Variants in ABCD4 observed in about 807,000 individuals in gnomAD.
The protein encoded by ABCD4 is ATP binding cassette subfamily D member 4, also known as lysosomal cobalamin transporter ABCD4.
ABCD4 carries 53 observed loss-of-function variants against 86.3 expected under a neutral mutation model. That is an observed-to-expected ratio of 0.61 (90% confidence interval 0.49 to 0.77). The LOEUF (loss-of-function observed/expected upper bound fraction) is 0.77, where lower values mean the gene tolerates loss of function less well. Ranked by LOEUF, ABCD4 falls within the 30% of genes least tolerant of loss-of-function variation. The pLI is 0.00. For synonymous variants in ABCD4, 328 were observed against 313.6 expected, an observed-to-expected ratio of 1.05 and a Z score of -0.49; for missense variants, 757 against 764.5, an observed-to-expected ratio of 0.99 and a Z score of 0.12.
intron 9 of ABCD4, 47 bp from the exon 10 acceptor site, chr14:74,292,689 A>G: frequency 6.2e-7 from 1 of 1,613,982 alleles, no homozygotes. Context: ...TCGAGCCCAC[A>G]GACACTGGGC....
chr14:74,300,711 T>C (rs78131868), intron 1 of ABCD4, among the ~76,000 whole-genome samples: 4,536 of 152,204 alleles, frequency 0.03, 242 homozygotes, highest in African/African-American at 0.1. Flanking sequence ...AATGTCTTAA[T>C]GAAGATACCT....
Position 74,293,239 on chromosome 14 carries a change from A to G in ABCD4, c.729T>C (p.His243=). Reference sequence around the variant, plus strand: ...TGCGGTCTGTCCTCATGTGCTCCACATGCCCAGCTCTGACAAGGAAAGGCT... The same window carrying G: ...TGCGGTCTGTCCTCATGTGCTCCACGTGCCCAGCTCTGACAAGGAAAGGCT... ...AEPAAFYRAG[H]VEHMRTDRRL... Residue 243 remains histidine, a synonymous_variant, in exon 8 of 19, where the codon CAT becomes CAC. Transcript: ENST00000356924. 1 of 1,614,106 alleles carries G rather than the reference A, an allele frequency of 6.2e-7. No homozygotes were observed. Among genetic ancestry groups the G allele is most frequent in the Non-Finnish European group, 8.5e-7 (1 of 1,179,988 alleles).
chr14:74,286,629 G>A, intron 18 of ABCD4, 72 bp downstream of exon 18: 1 of 1,612,410 alleles, frequency 6.2e-7, no homozygotes, highest in Non-Finnish European at 8.5e-7. Context: ...GTTTTGAGGG[G>A]CCTCTGGCCC....
At position 74,285,390 on chromosome 14, in the gene ABCD4, C is replaced by A. The variant is rs917485164; in HGVS notation, c.*1071G>T. The A allele has an allele frequency of 2.6e-5, 4 of 152,172 alleles. No homozygotes were observed. The highest frequency in any genetic ancestry group is 6.5e-5 in the Admixed American group (1 of 15,276). The allele number at this position is 152,172 out of a possible 1,614,324, so 9.4% of individuals were successfully genotyped here. On this transcript the variant is annotated 3_prime_UTR_variant, in exon 19 of 19. Transcript: ENST00000356924. ...GCCTCAGGCCCAGAGTCTATGCAGG[C>A]AACAGCATCTAGCCGTAAGTTAATA...
chr14:74,290,681 GTCTT>G (rs2081263709), intron 11 of ABCD4, among the ~76,000 whole-genome samples, 182 bp from the exon 12 acceptor site: 1 of 114,078 alleles, frequency 8.8e-6, no homozygotes, highest in African/African-American at 3.9e-5. Context: ...CGGAGGCAGG[GTCTT>G]TTTTTTTTTT....
intron 1 of ABCD4, among the ~76,000 whole-genome samples, chr14:74,300,582 A>C (rs1311084266): frequency 1.3e-5 from 2 of 151,238 alleles, no homozygotes; most frequent in Non-Finnish European, 3.0e-5. Context: ...AACAAGAGCA[A>C]AACTCCGTCT....
At chr14:74,292,961 G>T in intron 8 of ABCD4, 92 bp from the exon 9 acceptor site, 1 of 1,578,106 alleles carries the variant, frequency 6.3e-7, no homozygotes, top group South Asian at 1.2e-5. Context: ...CGCCAAGTAG[G>T]GCCACGTGGA....
chr14:74,286,611 T>A, intron 18 of ABCD4, 82 bp from the exon 19 acceptor site: 2 of 1,611,470 alleles, frequency 1.2e-6, no homozygotes, highest in Non-Finnish European at 1.7e-6. Context: ...CTGCTACTGC[T>A]ACTCCCCGTT....
intron 17 of ABCD4, 138 bp from the exon 18 acceptor site, chr14:74,286,954 G>A: frequency 1.4e-6 from 1 of 730,332 alleles, no homozygotes; most frequent in Admixed American, 2.6e-5. Flanking sequence ...CCCTGCCTCA[G>A]GGAGAAGGAT....
chr14:74,299,512 G>C (rs897035617), intron 3 of ABCD4, 36 bp downstream of exon 3: 2 of 1,610,286 alleles, frequency 1.2e-6, no homozygotes, highest in African/African-American at 1.3e-5. Flanking sequence ...CTGGACTGGA[G>C]AGGACGAGAG....
intron 7 of ABCD4, chr14:74,294,846 C>T (rs909217928): frequency 7.1e-6 from 3 of 422,798 alleles, no homozygotes; most frequent in Non-Finnish European, 1.3e-5. Context: ...CAGAGGCAGA[C>T]GGATGTCTTA....
At chr14:74,296,006 G>A (rs370265675) in intron 5 of ABCD4, 27 bp from the exon 6 acceptor site, 2 of 1,581,090 alleles carry the variant, frequency 1.3e-6, no homozygotes, top group East Asian at 2.2e-5. Flanking sequence ...GGGAGAGAAG[G>A]GAGAGGGTGT....
At chr14:74,297,399 G>C (rs1197203716) in intron 4 of ABCD4, 1 of 152,168 alleles carries the variant, frequency 6.6e-6, no homozygotes, top group Admixed American at 6.5e-5. Context: ...CCTAGACTGA[G>C]TCCTGGATAG....
At position 74,298,030 on chromosome 14, in the gene ABCD4, C is replaced by G. The variant is rs768088632; in HGVS notation, c.325G>C (p.Val109Leu). The change falls in exon 4 of 19, where the codon GTG becomes CTG. Residue 109 changes from valine to leucine, a missense_variant. Physicochemically the swap from Val to Leu is conservative, Grantham distance 32. Transcript: ENST00000356924. The part of the protein sequence containing the change: ...FDQFTCNLLY[V>L]SWRKDLTEHL... The stretch of plus-strand genomic sequence containing the variant: ...TCAGTGAGGTCCTTCCTCCAGCTCA[C>G]ATACAGCAGGTTGCAGGTGAACTGA... The G allele has an allele frequency of 1.2e-6, 2 of 1,613,970 alleles. No individual in the cohort carries two copies. The highest frequency in any genetic ancestry group is 2.7e-5 in the African/African-American group (2 of 75,030).
rs1406161776 is a variant in ABCD4 at position 74,286,274 on chromosome 14, T to C, written c.*187A>G. On this transcript the variant is annotated 3_prime_UTR_variant, in exon 19 of 19. Transcript: ENST00000356924. ...GGAGACTGAACACTGGGAGATTCAG[T>C]GTCCCCCACAGAAACCTAGACCTGG... 3.3e-6 allele frequency: 2 copies of C among 603,846 alleles called. No homozygotes were observed. Among genetic ancestry groups the C allele is most frequent in the East Asian group, 2.8e-5 (1 of 35,418 alleles). 37.4% of individuals were successfully genotyped at this position (603,846 alleles called of 1,614,324 possible). A position where few individuals can be genotyped will look rare whatever the true frequency, so the allele number is the denominator to read the frequency against.
intron 6 of ABCD4, among the ~76,000 whole-genome samples, chr14:74,295,507 C>T (rs1246531744): frequency 6.6e-6 from 1 of 152,218 alleles, no homozygotes; most frequent in Non-Finnish European, 1.5e-5. Flanking sequence ...ACAGGGCAGG[C>T]ACTGGATCCA....
rs776524972 is a variant in ABCD4 at position 74,299,587 on chromosome 14, CAG to C, written c.244_245del (p.Leu82AspfsTer18). On this transcript the variant is annotated frameshift_variant, in exon 3 of 19. Coordinates refer to ENST00000356924, the MANE Select transcript of ABCD4 (RefSeq NM_005050.4). LOFTEE classifies it high-confidence loss of function. Reference protein sequence around the residue: ...GNKDLEGFKTLTFLAVMLIVL... With the variant: ...GNKDLEGFKTXTFLAVMLIVL... ...CAATGAGCATGACAGCCAGGAATGTCAGAGTCTTAAACCCTTCCAAGTCTTTG... is the reference window on the plus strand; with the variant it reads ...CAATGAGCATGACAGCCAGGAATGTCAGTCTTAAACCCTTCCAAGTCTTTG... 1.4e-5 allele frequency: 22 copies of C among 1,613,832 alleles called. No individual in the cohort carries two copies. The highest frequency in any genetic ancestry group is 3.3e-5 in the Admixed American group (2 of 59,992).
At chr14:74,299,740 T>C in intron 2 of ABCD4, 65 bp from the exon 3 acceptor site, 2 of 1,513,702 alleles carry the variant, frequency 1.3e-6, no homozygotes, top group Non-Finnish European at 1.8e-6. Flanking sequence ...GGCTTCTTCC[T>C]GAGTCCCTGC....
At position 74,287,890 on chromosome 14, in the gene ABCD4, A is replaced by G. The variant is rs1457249589; in HGVS notation, c.1560-4T>C. 1 of 1,611,204 alleles carries G rather than the reference A, an allele frequency of 6.2e-7. No homozygotes were observed. Among genetic ancestry groups the G allele is most frequent in the African/African-American group, 1.3e-5 (1 of 74,842 alleles). On this transcript the variant is annotated splice_region_variant and splice_polypyrimidine_tract_variant and intron_variant, in intron 16 of 18. Coordinates refer to ENST00000356924, the MANE Select transcript of ABCD4 (RefSeq NM_005050.4). ...CCCCGGGGACAGAACATCATACCTG[A>G]GGAAAGGTAGGAGAGAGGACTGCTA... is the stretch of plus-strand genomic sequence containing the variant.
Sources: gnomAD v4.1 joint callset for allele counts (sites outside exome capture counted in the v4.1 genomes callset) on GRCh38, gnomAD v4.1.1 for gene constraint, MANE v1.5 for transcripts, NCBI Gene and HGNC (gene_info 2026-07-23, HGNC 2026-07-21) for gene names.